VCF1: variants seen among roughly 807,000 people sequenced by gnomAD.
The protein encoded by VCF1 is protein VCF1.
At chr17:73,220,006 T>C in the VCF1 span, among the ~76,000 whole-genome samples, 1 of 151,614 alleles carries the variant, frequency 6.6e-6, no homozygotes, top group Non-Finnish European at 1.5e-5. Flanking sequence ...AAACAAAACT[T>C]AATTTCAGAG....
chr17:73,231,879 C>T, the VCF1 span, among the ~76,000 whole-genome samples: 1 of 152,090 alleles, frequency 6.6e-6, no homozygotes, highest in African/African-American at 2.4e-5. Context: ...GAGACCTGGA[C>T]CCCGGAGAGT....
the VCF1 span, among the ~76,000 whole-genome samples, chr17:73,224,920 G>GCACAGC: frequency 8.7e-4 from 104 of 119,282 alleles, 3 homozygotes; most frequent in African/African-American, 3.7e-3. Context: ...GACAGGACAG[G>GCACAGC]ACAGGACAGG....
the VCF1 span, among the ~76,000 whole-genome samples, chr17:73,223,433 A>G: frequency 1.3e-5 from 2 of 152,216 alleles, no homozygotes; most frequent in East Asian, 1.9e-4. Context: ...ATCAGTTCAC[A>G]TTATTTAGCT....
chr17:73,207,622 T>C, the VCF1 span: 1 of 1,104,206 alleles, frequency 9.1e-7, no homozygotes, highest in Non-Finnish European at 1.2e-6. Flanking sequence ...TTATCTTCCC[T>C]TTTAGTTGGG....
At chr17:73,226,343 T>A in the VCF1 span, among the ~76,000 whole-genome samples, 1 of 152,262 alleles carries the variant, frequency 6.6e-6, no homozygotes, top group Non-Finnish European at 1.5e-5. Context: ...GGAGTTACTT[T>A]GAATTGCTGG....
the VCF1 span, among the ~76,000 whole-genome samples, chr17:73,226,693 T>C: frequency 6.6e-6 from 1 of 152,318 alleles, no homozygotes; most frequent in East Asian, 1.9e-4. Flanking sequence ...CCACAGGAGC[T>C]CTTTTCACAA....
chr17:73,208,015 C>G, the VCF1 span: 1 of 1,308,998 alleles, frequency 7.6e-7, no homozygotes, highest in South Asian at 1.6e-5. Context: ...ACAGTTTCCA[C>G]TGCAGTGATC....
chr17:73,224,860 GACAGC>G, the VCF1 span, among the ~76,000 whole-genome samples: 14 of 45,092 alleles, frequency 3.1e-4, no homozygotes, highest in South Asian at 6.1e-4. Context: ...GACAGGACAG[GACAGC>G]ACAGGACAGG....
At chr17:73,227,576 C>T in the VCF1 span, 14 of 969,734 alleles carry the variant, frequency 1.4e-5, no homozygotes, top group African/African-American at 5.2e-5. Context: ...AGCTTTCAAC[C>T]TCTAACCTAA....
chr17:73,232,369 A>G, the VCF1 span: 14 of 1,457,348 alleles, frequency 9.6e-6, no homozygotes, highest in East Asian at 3.3e-4. Context: ...AACCGCACCG[A>G]CTGGTAACCC....
At chr17:73,232,102 C>T in the VCF1 span, 1 of 1,608,782 alleles carries the variant, frequency 6.2e-7, no homozygotes, top group Non-Finnish European at 8.5e-7. Flanking sequence ...CGGAGGCGCT[C>T]GCTCATGGCA....
the VCF1 span, among the ~76,000 whole-genome samples, chr17:73,216,797 A>G: frequency 6.6e-6 from 1 of 152,206 alleles, no homozygotes; most frequent in Non-Finnish European, 1.5e-5. Context: ...AGGGCACAGA[A>G]GCTCTGGTCT....
the VCF1 span, among the ~76,000 whole-genome samples, chr17:73,226,941 T>G: frequency 1.3e-5 from 2 of 152,132 alleles, no homozygotes; most frequent in Non-Finnish European, 2.9e-5. Context: ...CAAATACAAA[T>G]GAGTGTGTAC....
the VCF1 span, among the ~76,000 whole-genome samples, chr17:73,230,987 C>T: frequency 1.3e-5 from 2 of 152,130 alleles, no homozygotes; most frequent in South Asian, 2.1e-4. Flanking sequence ...ATATGGCAGT[C>T]GGGTCAGATT....
the VCF1 span, chr17:73,229,092 T>C: frequency 1.0e-6 from 1 of 965,162 alleles, no homozygotes; most frequent in Non-Finnish European, 1.2e-6. Context: ...GAGATGATTT[T>C]GTGGATTTCA....
the VCF1 span, chr17:73,227,068 T>C: frequency 3.9e-5 from 37 of 955,006 alleles, no homozygotes; most frequent in Middle Eastern, 1.1e-3. Flanking sequence ...CTAAGGTCAT[T>C]TTAAATTACT....
At chr17:73,207,430 T>C in the VCF1 span, 1 of 743,338 alleles carries the variant, frequency 1.3e-6, no homozygotes, top group South Asian at 1.5e-5. Flanking sequence ...CTTGAGCTAC[T>C]AGAAGGTGTA....
chr17:73,232,037 C>G, the VCF1 span: 4 of 1,522,124 alleles, frequency 2.6e-6, no homozygotes, highest in Non-Finnish European at 3.5e-6. Flanking sequence ...TCGGCTCTAT[C>G]TCCCAGATCC....
chr17:73,232,175 T>C, the VCF1 span: 3 of 1,608,814 alleles, frequency 1.9e-6, no homozygotes, highest in East Asian at 6.7e-5. Context: ...GGGTTGTGTT[T>C]CGGCGGCCGC....
Sources: gnomAD v4.1 joint callset for allele counts (sites outside exome capture counted in the v4.1 genomes callset) on GRCh38, gnomAD v4.1.1 for gene constraint, MANE v1.5 for transcripts, NCBI Gene and HGNC (gene_info 2026-07-23, HGNC 2026-07-21) for gene names.